EYA1: variants seen among roughly 807,000 people sequenced by gnomAD.
The protein encoded by EYA1 is protein phosphatase EYA1.
In EYA1, 16 loss-of-function variants were observed where a neutral mutation model predicts 82.0. The observed-to-expected ratio is 0.20, with a 90% CI of 0.13 to 0.30. EYA1 has a LOEUF of 0.30. Ranked by LOEUF, EYA1 falls within the 10% of genes least tolerant of loss-of-function variation. The probability of loss-of-function intolerance (pLI) is 1.00; values close to 1 mark genes in which losing one functional copy is unlikely to be tolerated. For synonymous variants in EYA1, 261 were observed against 264.4 expected, an observed-to-expected ratio of 0.99 and a Z score of 0.12; for missense variants, 633 against 730.7, an observed-to-expected ratio of 0.87 and a Z score of 1.54.
chr8:71,211,039 T>C (rs565477317), intron 17 of EYA1, 117 bp downstream of exon 17: 6 of 759,116 alleles, frequency 7.9e-6, no homozygotes, highest in Admixed American at 7.2e-5. Flanking sequence ...GTGCTTAGAG[T>C]ACTGCACATA....
At chr8:71,243,530 A>G (rs1402955066) in intron 12 of EYA1, among the ~76,000 whole-genome samples, 3 of 152,238 alleles carry the variant, frequency 2.0e-5, no homozygotes, top group Non-Finnish European at 4.4e-5. Flanking sequence ...AGGAAGAGAA[A>G]AAATAAAGCA....
intron 2 of EYA1, among the ~76,000 whole-genome samples, chr8:71,492,757 G>A (rs568769252): frequency 6.6e-5 from 10 of 152,046 alleles, no homozygotes; most frequent in South Asian, 2.1e-4. Context: ...GAGCCACTGC[G>A]CCCGGCCTTT....
In EYA1 at chr8:71,271,782, T is replaced by C. The variant is rs1481263224; in HGVS notation, c.942A>G (p.Ser314=). The C allele has an allele frequency of 1.1e-5, 18 of 1,613,840 alleles. No homozygotes were observed. The highest frequency in any genetic ancestry group is 1.5e-5 in the Non-Finnish European group (18 of 1,180,018). The change falls in exon 10 of 18, where the codon TCA becomes TCG. Residue 314 remains serine, a synonymous_variant. Transcript: ENST00000340726. Reference sequence around the variant, plus strand: ...CCTCAAGATCAGAATCTGGGGGAGGTGAAGGATTATTGTTTCTTCGGCCCC... The same window carrying C: ...CCTCAAGATCAGAATCTGGGGGAGGCGAAGGATTATTGTTTCTTCGGCCCC... ...RGRGRRNNNP[S]PPPDSDLERV...
At chr8:71,449,989 C>G (rs1807220361) in intron 2 of EYA1, among the ~76,000 whole-genome samples, 1 of 152,138 alleles carries the variant, frequency 6.6e-6, no homozygotes, top group Admixed American at 6.5e-5. Context: ...CTCACCTCTG[C>G]CAGTCTTCAG....
chr8:71,410,360 T>G (rs1276820978), intron 2 of EYA1, among the ~76,000 whole-genome samples: 119 of 116,376 alleles, frequency 1.0e-3, no homozygotes, highest in African/African-American at 3.7e-3. Flanking sequence ...TTCAACATAG[T>G]GTTGGAAGTT....
chr8:71,240,853 T>C (rs1812394180), intron 12 of EYA1, among the ~76,000 whole-genome samples: 1 of 152,198 alleles, frequency 6.6e-6, no homozygotes, highest in South Asian at 2.1e-4. Context: ...CCTCACTCCG[T>C]TTGAAGGTTG....
intron 2 of EYA1, 40 bp from the exon 3 acceptor site, chr8:71,354,949 T>C: frequency 6.2e-7 from 1 of 1,604,404 alleles, no homozygotes; most frequent in Non-Finnish European, 8.5e-7. Context: ...ATGTACCAAA[T>C]TCATAACACC....
At chr8:71,241,786 G>A (rs1460542661) in intron 12 of EYA1, among the ~76,000 whole-genome samples, 1 of 150,670 alleles carries the variant, frequency 6.6e-6, no homozygotes, top group Middle Eastern at 3.2e-3. Context: ...TAATTCTGGT[G>A]TTCTTAGGAG....
chr8:71,411,897 A>T (rs912600392), intron 2 of EYA1, among the ~76,000 whole-genome samples: 6 of 150,794 alleles, frequency 4.0e-5, no homozygotes, highest in African/African-American at 1.5e-4. Flanking sequence ...CCAAATGACT[A>T]TAAATCATGC....
At chr8:71,511,645 G>A (rs187987381) in intron 2 of EYA1, among the ~76,000 whole-genome samples, 21 of 152,276 alleles carry the variant, frequency 1.4e-4, no homozygotes, top group East Asian at 3.9e-4. Context: ...AAGGGTGCAC[G>A]TGGAGAAGAG....
At chr8:71,213,153 A>G (rs1377084570) in intron 16 of EYA1, among the ~76,000 whole-genome samples, 2 of 152,062 alleles carry the variant, frequency 1.3e-5, no homozygotes, top group African/African-American at 2.4e-5. Flanking sequence ...CCACCACCAC[A>G]TATTTTTTTT....
At chr8:71,291,435 A>G (rs569419537) in intron 9 of EYA1, among the ~76,000 whole-genome samples, 1 of 152,324 alleles carries the variant, frequency 6.6e-6, no homozygotes, top group African/African-American at 2.4e-5. Context: ...TTCCCGTCCA[A>G]CACCTTAACC....
rs968202413 is a variant in EYA1, at chr8:71,201,688, A to G, written c.1699-2268T>C. ...CATACTTGAAATTATGTGTTTATCA[A>G]GTATGTTCCATTCAGCATCCTACTC... On this transcript the variant is annotated intron_variant, in intron 17 of 17. Transcript: ENST00000340726. 1.4e-3 allele frequency among the ~76,000 whole-genome samples: 213 copies of G among 152,206 alleles called. 3 individuals are homozygous for G. Among genetic ancestry groups the G allele is most frequent in the African/African-American group, 5.0e-3 (209 of 41,448 alleles).
chr8:71,296,294 C>T (rs1450314591), intron 9 of EYA1, among the ~76,000 whole-genome samples: 7 of 151,702 alleles, frequency 4.6e-5, no homozygotes, highest in Admixed American at 3.9e-4. Flanking sequence ...TAAGGAATTA[C>T]GTTTACAAGT....
intron 17 of EYA1, among the ~76,000 whole-genome samples, chr8:71,202,871 G>A (rs1188123276): frequency 6.6e-6 from 1 of 152,204 alleles, no homozygotes; most frequent in Admixed American, 6.5e-5. Context: ...GTCTAGAGGA[G>A]AGGAGGTGTC....
chr8:71,306,115 C>G (rs1204411174), intron 7 of EYA1, among the ~76,000 whole-genome samples: 4 of 152,184 alleles, frequency 2.6e-5, no homozygotes, highest in Non-Finnish European at 5.9e-5. Context: ...GGTGCCACAG[C>G]CCTGCTAAGG....
intron 2 of EYA1, among the ~76,000 whole-genome samples, chr8:71,412,389 T>A (rs1464163671): frequency 1.5e-5 from 2 of 132,250 alleles, no homozygotes; most frequent in African/African-American, 5.3e-5. Flanking sequence ...TAAAAAAATA[T>A]AAAATAAAAT....
chr8:71,218,810 G>A (rs1014206240), intron 12 of EYA1, among the ~76,000 whole-genome samples: 9 of 151,842 alleles, frequency 5.9e-5, no homozygotes, highest in Non-Finnish European at 7.4e-5. Flanking sequence ...TCTTTAGAGC[G>A]TGTGGTTAGC....
intron 2 of EYA1, among the ~76,000 whole-genome samples, chr8:71,494,281 G>C (rs939520319): frequency 6.6e-6 from 1 of 151,970 alleles, no homozygotes; most frequent in Non-Finnish European, 1.5e-5. Context: ...TAGAAGCTTT[G>C]GTTCCTTGCA....
Sources: allele counts gnomAD v4.1 joint callset (sites outside exome capture counted in the v4.1 genomes callset), GRCh38; gene constraint gnomAD v4.1.1; transcripts MANE v1.5; gene names NCBI Gene and HGNC (gene_info 2026-07-23, HGNC 2026-07-21).